Variants in TBC1D1 observed in about 807,000 individuals in gnomAD.
TBC1D1 encodes the protein TBC1 domain family member 1.
TBC1D1 carries 89 observed loss-of-function variants against 125.6 expected under a neutral mutation model. That is an observed-to-expected ratio of 0.71 (90% CI 0.60 to 0.85). The LOEUF is 0.85. TBC1D1 is among the 40% of genes least tolerant of loss of function. The probability of loss-of-function intolerance (pLI) is 0.00; values close to 1 mark genes in which losing one functional copy is unlikely to be tolerated. For missense variants in TBC1D1, 1,377 were observed against 1,469.2 expected (o/e 0.94, Z 1.03); for synonymous variants, 565 against 564.1 (o/e 1.00, Z -0.02).
intron 12 of TBC1D1, among the ~76,000 whole-genome samples, chr4:38,057,052 G>T (rs1382041584): frequency 6.6e-6 from 1 of 152,008 alleles, no homozygotes; most frequent in Non-Finnish European, 1.5e-5. Context: ...CTGTTCCTAG[G>T]CCGTAATCAC....
intron 19 of TBC1D1, among the ~76,000 whole-genome samples, chr4:38,136,207 C>T (rs775441335): frequency 6.6e-6 from 1 of 152,080 alleles, no homozygotes; most frequent in South Asian, 2.1e-4. Flanking sequence ...ATTAGAGAGA[C>T]GAGGGACAGT....
chr4:38,134,520 G>C (rs899235308), intron 19 of TBC1D1, among the ~76,000 whole-genome samples: 1 of 152,302 alleles, frequency 6.6e-6, no homozygotes, highest in Middle Eastern at 3.4e-3. Context: ...GCCTGTAGGG[G>C]TACACAGTGT....
chr4:37,900,132 A>G (rs1487587989), intron 1 of TBC1D1, among the ~76,000 whole-genome samples: 113 of 93,420 alleles, frequency 1.2e-3, no homozygotes, highest in African/African-American at 8.8e-3. Flanking sequence ...AAAAAAAAAG[A>G]AAAAAAAAAA....
chr4:37,968,927 A>G (rs887622585), intron 2 of TBC1D1, among the ~76,000 whole-genome samples: 6 of 152,212 alleles, frequency 3.9e-5, no homozygotes, highest in African/African-American at 1.4e-4. Flanking sequence ...GTCTCTGCCC[A>G]GCTAGTATGA....
intron 10 of TBC1D1, among the ~76,000 whole-genome samples, chr4:38,047,449 G>C (rs144046260): frequency 1.6e-4 from 25 of 152,286 alleles, no homozygotes; most frequent in African/African-American, 3.1e-4. Flanking sequence ...TCTTGTAAAT[G>C]TGAGTTTCTG....
At chr4:38,122,989 T>TA (rs5857598) in intron 17 of TBC1D1, among the ~76,000 whole-genome samples, 48,769 of 152,032 alleles carry the variant, frequency 0.32, 7,915 homozygotes, top group Middle Eastern at 0.4. Flanking sequence ...TGATTTATTG[T>TA]AAAAAAACCA....
At chr4:37,997,616 A>G (rs1738093434) in intron 2 of TBC1D1, among the ~76,000 whole-genome samples, 1 of 152,236 alleles carries the variant, frequency 6.6e-6, no homozygotes, top group Non-Finnish European at 1.5e-5. Flanking sequence ...ATACATATAT[A>G]TGAAAAATAA....
intron 8 of TBC1D1, among the ~76,000 whole-genome samples, chr4:38,037,042 T>C (rs1747352009): frequency 6.6e-6 from 1 of 152,196 alleles, no homozygotes; most frequent in South Asian, 2.1e-4. Context: ...GATTTTCTTT[T>C]ATCTGAGTCA....
chr4:38,055,828 G>A (rs1408607418), intron 12 of TBC1D1, among the ~76,000 whole-genome samples: 1 of 152,198 alleles, frequency 6.6e-6, no homozygotes, highest in Non-Finnish European at 1.5e-5. Flanking sequence ...CTGTTAGAGG[G>A]TGTGGAGTGG....
At chr4:37,964,099 C>T (rs940688808) in intron 2 of TBC1D1, among the ~76,000 whole-genome samples, 3 of 152,212 alleles carry the variant, frequency 2.0e-5, no homozygotes, top group Non-Finnish European at 1.5e-5. Flanking sequence ...CTTACTATAG[C>T]ATCCCTGAGG....
chr4:38,040,866 T>A (rs189372594), intron 8 of TBC1D1, among the ~76,000 whole-genome samples: 1 of 152,206 alleles, frequency 6.6e-6, no homozygotes, highest in Non-Finnish European at 1.5e-5. Flanking sequence ...TGGTCACTAT[T>A]TGCTGAGTGA....
intron 2 of TBC1D1, among the ~76,000 whole-genome samples, chr4:37,906,051 A>T (rs544865980): frequency 2.6e-5 from 4 of 152,284 alleles, no homozygotes; most frequent in African/African-American, 7.2e-5. Flanking sequence ...GGTCCTCTTC[A>T]ATGAGGGCAT....
chr4:38,050,979 G>A (rs993169155), intron 11 of TBC1D1, among the ~76,000 whole-genome samples: 7 of 152,214 alleles, frequency 4.6e-5, no homozygotes, highest in African/African-American at 1.7e-4. Context: ...GACACACATC[G>A]TTGGGTTGTA....
At chr4:38,110,420 C>T in intron 15 of TBC1D1, 1 of 985,336 alleles carries the variant, frequency 1.0e-6, no homozygotes, top group South Asian at 4.7e-5. Flanking sequence ...AAGGCTCTTC[C>T]CCCTCCAAGT....
intron 2 of TBC1D1, among the ~76,000 whole-genome samples, chr4:37,973,886 A>C (rs1408354482): frequency 6.6e-6 from 1 of 152,224 alleles, no homozygotes; most frequent in East Asian, 1.9e-4. Flanking sequence ...AATTTTGGTA[A>C]AATGAAGGTT....
At chr4:38,062,357 G>A (rs1195441676) in intron 12 of TBC1D1, among the ~76,000 whole-genome samples, 1 of 151,622 alleles carries the variant, frequency 6.6e-6, no homozygotes, top group East Asian at 1.9e-4. Context: ...TGAATGGAGA[G>A]CTACTTTCTG....
intron 12 of TBC1D1, among the ~76,000 whole-genome samples, chr4:38,054,569 T>C (rs1038080608): frequency 3.3e-5 from 5 of 152,204 alleles, no homozygotes; most frequent in Non-Finnish European, 1.5e-5. Context: ...AGAGCTCTGA[T>C]GTTTAGAGTG....
intron 2 of TBC1D1, among the ~76,000 whole-genome samples, chr4:37,973,209 C>A (rs1446089366): frequency 1.3e-5 from 2 of 152,138 alleles, no homozygotes; most frequent in Non-Finnish European, 2.9e-5. Context: ...CAGAGAAAGA[C>A]CCCTGTGTGC....
intron 8 of TBC1D1, among the ~76,000 whole-genome samples, chr4:38,038,258 C>T (rs1171954799): frequency 6.6e-6 from 1 of 151,940 alleles, no homozygotes; most frequent in Non-Finnish European, 1.5e-5. Context: ...TTTCTTGGGT[C>T]TGTTTTCTAG....
Sources: gnomAD v4.1 joint callset for allele counts (sites outside exome capture counted in the v4.1 genomes callset) on GRCh38, gnomAD v4.1.1 for gene constraint, MANE v1.5 for transcripts, NCBI Gene and HGNC (gene_info 2026-07-23, HGNC 2026-07-21) for gene names.